Variants in SPAG16 observed in about 807,000 individuals in gnomAD.
SPAG16 encodes the protein sperm associated antigen 16, also known as sperm-associated antigen 16 protein.
In SPAG16, 86 loss-of-function variants were observed where a neutral mutation model predicts 80.4. The observed-to-expected ratio is 1.07, with a 90% CI of 0.90 to 1.28. The LOEUF is 1.28. Among genes scored for constraint, SPAG16 ranks in the 50% most tolerant of loss-of-function variants. The probability of loss-of-function intolerance (pLI) is 0.00; values close to 1 mark genes in which losing one functional copy is unlikely to be tolerated. For synonymous variants in SPAG16, 294 were observed against 265.9 expected, an observed-to-expected ratio of 1.11 and a Z score of -1.03; for missense variants, 870 against 765.3, an observed-to-expected ratio of 1.14 and a Z score of -1.61.
rs76244503 is a variant in SPAG16, at chr2:213,997,149, A to G, written c.1401-16802A>G. Among the ~76,000 whole-genome samples the G allele has an allele frequency of 3.9e-5, 6 of 152,246 alleles. No homozygotes were observed. The East Asian group carries it at 1.2e-3, about 29-fold the overall frequency. On this transcript the variant is annotated intron_variant, in intron 12 of 15. Transcript: ENST00000331683. ...AGCTAGGTTTAATTTTCTTCCTTTG[A>G]TAGCTTCACATAACCCACACTTTCC...
At chr2:213,356,066 G>T (rs1393449725) in intron 7 of SPAG16, among the ~76,000 whole-genome samples, 1 of 152,274 alleles carries the variant, frequency 6.6e-6, no homozygotes, top group South Asian at 2.1e-4. Context: ...TTTATTGAGA[G>T]ATTTTAGCAT....
At chr2:214,385,632 T>C (rs536378307) in intron 15 of SPAG16, among the ~76,000 whole-genome samples, 2 of 152,190 alleles carry the variant, frequency 1.3e-5, no homozygotes, top group Admixed American at 6.5e-5. Context: ...TCACATGACG[T>C]CAGGAGTTCA....
At chr2:214,210,769 T>G (rs1484115445) in intron 15 of SPAG16, among the ~76,000 whole-genome samples, 1 of 152,054 alleles carries the variant, frequency 6.6e-6, no homozygotes, top group African/African-American at 2.4e-5. Context: ...CTAGAAATCT[T>G]TTTAATGAGG....
At chr2:213,497,153 C>T (rs1169141792) in intron 10 of SPAG16, among the ~76,000 whole-genome samples, 1 of 151,928 alleles carries the variant, frequency 6.6e-6, no homozygotes, top group South Asian at 2.1e-4. Context: ...TATCAAAGTA[C>T]TAAGGTATTC....
chr2:213,316,811 C>T (rs1280556126), intron 4 of SPAG16, among the ~76,000 whole-genome samples: 1 of 151,964 alleles, frequency 6.6e-6, no homozygotes, highest in Non-Finnish European at 1.5e-5. Flanking sequence ...CATGCCCACC[C>T]TATGTAAAAT....
intron 15 of SPAG16, among the ~76,000 whole-genome samples, chr2:214,195,991 C>T (rs749275333): frequency 1.3e-5 from 2 of 151,986 alleles, no homozygotes; most frequent in Non-Finnish European, 2.9e-5. Flanking sequence ...TCTACTATAT[C>T]ACAGTACTTC....
chr2:214,165,469 C>CATTTT (rs2056610556), intron 15 of SPAG16, among the ~76,000 whole-genome samples: 1 of 37,842 alleles, frequency 2.6e-5, no homozygotes, highest in African/African-American at 1.4e-4. Flanking sequence ...CATCACCATC[C>CATTTT]TTTTTTTTTT....
At chr2:214,379,199 A>G (rs899968639) in intron 15 of SPAG16, among the ~76,000 whole-genome samples, 2 of 152,230 alleles carry the variant, frequency 1.3e-5, no homozygotes, top group African/African-American at 4.8e-5. Context: ...AATATGTTTT[A>G]TAAATATCCA....
intron 15 of SPAG16, among the ~76,000 whole-genome samples, chr2:214,220,705 C>A (rs2058544327): frequency 6.6e-6 from 1 of 152,072 alleles, no homozygotes; most frequent in African/African-American, 2.4e-5. Flanking sequence ...CAGGTAGTGC[C>A]AGGAAATAAT....
intron 15 of SPAG16, among the ~76,000 whole-genome samples, chr2:214,183,559 C>G (rs930116088): frequency 1.3e-5 from 2 of 151,984 alleles, no homozygotes; most frequent in Non-Finnish European, 2.9e-5. Context: ...AAAGCAGAAG[C>G]TCTTCCAGAA....
intron 13 of SPAG16, among the ~76,000 whole-genome samples, chr2:214,078,116 A>C (rs2051174599): frequency 9.1e-6 from 1 of 109,668 alleles, no homozygotes; most frequent in Non-Finnish European, 2.2e-5. Context: ...GAGGAAGGCA[A>C]AGTATTCCCA....
chr2:214,126,806 G>A (rs2054518498), intron 14 of SPAG16, among the ~76,000 whole-genome samples: 1 of 151,724 alleles, frequency 6.6e-6, no homozygotes, highest in South Asian at 2.1e-4. Flanking sequence ...GTTAACAATA[G>A]TAATTAACAC....
At chr2:213,990,301 C>A (rs939533905) in intron 12 of SPAG16, among the ~76,000 whole-genome samples, 1 of 151,900 alleles carries the variant, frequency 6.6e-6, no homozygotes, top group Admixed American at 6.6e-5. Context: ...TGGAGAAAGA[C>A]TGTATTAGAG....
chr2:213,537,351 T>C (rs542034371), intron 10 of SPAG16, among the ~76,000 whole-genome samples: 18 of 152,162 alleles, frequency 1.2e-4, no homozygotes, highest in African/African-American at 4.3e-4. Context: ...AAAAGCAACC[T>C]ATCATACATT....
At chr2:213,623,572 G>T (rs544128235) in intron 10 of SPAG16, among the ~76,000 whole-genome samples, 3 of 152,066 alleles carry the variant, frequency 2.0e-5, no homozygotes, top group South Asian at 2.1e-4. Flanking sequence ...ATTTAAACTG[G>T]TTCTCTATTT....
chr2:213,872,776 A>C (rs192019403), intron 11 of SPAG16, among the ~76,000 whole-genome samples: 20 of 152,206 alleles, frequency 1.3e-4, no homozygotes, highest in Admixed American at 1.1e-3. Context: ...TTTCTAGTCG[A>C]ATATGTTGAT....
chr2:213,352,667 G>C (rs1017431123), intron 7 of SPAG16, among the ~76,000 whole-genome samples: 2 of 152,110 alleles, frequency 1.3e-5, no homozygotes, highest in African/African-American at 4.8e-5. Flanking sequence ...TTATTAAATA[G>C]GGATAAATTA....
At chr2:213,287,437 A>G (rs994152760) in intron 1 of SPAG16, among the ~76,000 whole-genome samples, 5 of 152,200 alleles carry the variant, frequency 3.3e-5, no homozygotes, top group Non-Finnish European at 7.3e-5. Flanking sequence ...CTAAGGGTTA[A>G]TTGACTTTGT....
chr2:213,419,583 T>C (rs1334320193), intron 9 of SPAG16, among the ~76,000 whole-genome samples: 1 of 152,198 alleles, frequency 6.6e-6, no homozygotes, highest in Admixed American at 6.5e-5. Flanking sequence ...GATATAATGA[T>C]GTCCAATAAC....
Sources: allele counts gnomAD v4.1 joint callset (sites outside exome capture counted in the v4.1 genomes callset), GRCh38; gene constraint gnomAD v4.1.1; transcripts MANE v1.5; gene names NCBI Gene and HGNC (gene_info 2026-07-23, HGNC 2026-07-21).